The following CACNB2 variants were observed in gnomAD, a reference collection of about 807,000 sequenced individuals.
The protein encoded by CACNB2 is voltage-dependent L-type calcium channel subunit beta-2.
A neutral mutation model predicts 73.3 loss-of-function variants in CACNB2; 42 were observed. That is an observed-to-expected ratio of 0.57 (90% confidence interval 0.45 to 0.74). The LOEUF (loss-of-function observed/expected upper bound fraction) is 0.74. Among genes scored for constraint, CACNB2 ranks in the 30% least tolerant of loss-of-function variants. The pLI is 0.00. For synonymous variants in CACNB2, 348 were observed against 310.3 expected (o/e 1.12, Z -1.28); for missense variants, 940 against 853.0 (o/e 1.10, Z -1.27).
At chr10:18,166,857 C>A (rs2032892851) in intron 2 of CACNB2, among the ~76,000 whole-genome samples, 1 of 152,126 alleles carries the variant, frequency 6.6e-6, no homozygotes, top group Admixed American at 6.6e-5. Context: ...AACAATCCTG[C>A]ACGTTGTGCA....
intron 8 of CACNB2, 150 bp from the exon 9 acceptor site, chr10:18,518,760 A>G: frequency 1.4e-6 from 1 of 711,488 alleles, no homozygotes; most frequent in Non-Finnish European, 2.5e-6. Context: ...ATCAGAACTC[A>G]GAAGCAGAAA....
chr10:18,234,452 C>G lies in CACNB2; in HGVS notation c.213+83477C>G, dbSNP rs557786566. Among the ~76,000 whole-genome samples, 4 of 152,264 alleles carry G rather than the reference C, an allele frequency of 2.6e-5. No individual in the cohort carries two copies. In the South Asian group the frequency reaches 8.3e-4, roughly 32 times the overall value. On this transcript the variant is annotated intron_variant, in intron 2 of 13. Coordinates refer to ENST00000324631, the MANE Select transcript of CACNB2 (RefSeq NM_201596.3). Reference sequence around the variant, plus strand: ...AGAGATTTGTACAGCCATAACCTAGCAGCATTATTCACAATAGCCAAAAAG... The same window carrying G: ...AGAGATTTGTACAGCCATAACCTAGGAGCATTATTCACAATAGCCAAAAAG...
At chr10:18,458,273 A>C (rs1223873539) in intron 3 of CACNB2, among the ~76,000 whole-genome samples, 1 of 152,264 alleles carries the variant, frequency 6.6e-6, no homozygotes, top group Admixed American at 6.5e-5. Flanking sequence ...ATTCAAGTTC[A>C]AAAACAAATT....
intron 2 of CACNB2, among the ~76,000 whole-genome samples, chr10:18,335,922 C>T (rs903831704): frequency 2.3e-5 from 3 of 129,180 alleles, no homozygotes; most frequent in Non-Finnish European, 4.9e-5. Context: ...CCTCATCCTT[C>T]TCTTCAAACC....
At chr10:18,488,453 C>A (rs111956906) in intron 3 of CACNB2, among the ~76,000 whole-genome samples, 4 of 108,970 alleles carry the variant, frequency 3.7e-5, no homozygotes, top group Non-Finnish European at 6.7e-5. Flanking sequence ...CCGGCCTGGG[C>A]GACAGAGCGA....
At chr10:18,276,028 T>A (rs1054832164) in intron 2 of CACNB2, among the ~76,000 whole-genome samples, 6 of 152,312 alleles carry the variant, frequency 3.9e-5, no homozygotes, top group Admixed American at 3.9e-4. Flanking sequence ...TTCATACATT[T>A]CAACATGTCA....
intron 2 of CACNB2, among the ~76,000 whole-genome samples, chr10:18,391,669 G>A (rs966417611): frequency 6.6e-6 from 1 of 152,142 alleles, no homozygotes; most frequent in African/African-American, 2.4e-5. Flanking sequence ...GCTCACACCT[G>A]TAATCCCAGC....
Position 18,540,963 on chromosome 10 carries a change from T to TAG in CACNB2, c.*1244_*1245dup, listed in dbSNP as rs2054039082. The stretch of plus-strand genomic sequence containing the variant: ...TCTGCTGCCTCCTTGTTTTTGCTCC[T>TAG]AGAGAGTGAAAATACAGGCAATTTT... On this transcript the variant is annotated 3_prime_UTR_variant, in exon 14 of 14. Coordinates refer to ENST00000324631, the MANE Select transcript of CACNB2 (RefSeq NM_201596.3). 6.6e-6 allele frequency: 1 copy of TAG among 152,652 alleles called. No homozygotes were observed. The highest frequency in any genetic ancestry group is 1.5e-5 in the Non-Finnish European group (1 of 68,050). The allele number at this position is 152,652 out of a possible 1,614,324, so 9.5% of individuals were successfully genotyped here.
rs2053587888 is a variant in CACNB2 at position 18,536,275 on chromosome 10, G to GTTTTTTTTTTTTTTTTTTTTTT, written c.1302+79_1302+80insTTTTTTTTTTTTTTTTTTTTTT. ...TTTTTTTTTTTTTTTTTTTTTTTTG[G>GTTTTTTTTTTTTTTTTTTTTTT]GGGACAAGGTCTTGCTCTGTTGCCC... On this transcript the variant is annotated intron_variant, in intron 12 of 13. Coordinates refer to ENST00000324631, the MANE Select transcript of CACNB2 (RefSeq NM_201596.3). 89 of 92,506 alleles carry GTTTTTTTTTTTTTTTTTTTTTT rather than the reference G, an allele frequency of 9.6e-4. 25 individuals carry two copies. The highest frequency in any genetic ancestry group is 2.7e-3 in the African/African-American group (27 of 10,156). 5.7% of individuals were successfully genotyped at this position (92,506 alleles called of 1,614,324 possible). A position where few individuals can be genotyped will look rare whatever the true frequency, so the allele number is the denominator to read the frequency against.
At chr10:18,215,512 C>T (rs1231397626) in intron 2 of CACNB2, among the ~76,000 whole-genome samples, 1 of 152,120 alleles carries the variant, frequency 6.6e-6, no homozygotes, top group Non-Finnish European at 1.5e-5. Flanking sequence ...GAAGCCCAGC[C>T]TTTGTTTCTA....
intron 2 of CACNB2, among the ~76,000 whole-genome samples, chr10:18,332,019 A>G (rs1261739210): frequency 6.6e-6 from 1 of 152,138 alleles, no homozygotes; most frequent in East Asian, 1.9e-4. Context: ...CAGGACACCA[A>G]TGTGGCTGCA....
chr10:18,354,789 G>T (rs1442651590), intron 2 of CACNB2, among the ~76,000 whole-genome samples: 1 of 152,104 alleles, frequency 6.6e-6, no homozygotes, highest in Non-Finnish European at 1.5e-5. Context: ...ATCTACACAG[G>T]GGTCAGCAGG....
At chr10:18,491,005 C>T (rs750786490) in intron 3 of CACNB2, among the ~76,000 whole-genome samples, 1 of 152,162 alleles carries the variant, frequency 6.6e-6, no homozygotes, top group Non-Finnish European at 1.5e-5. Flanking sequence ...CCAGCATGTC[C>T]CAGAGCACTG....
At chr10:18,431,461 G>C (rs762394821) in intron 3 of CACNB2, among the ~76,000 whole-genome samples, 2 of 152,064 alleles carry the variant, frequency 1.3e-5, no homozygotes, top group Non-Finnish European at 2.9e-5. Context: ...GTTACTGCTT[G>C]TGAGAGAAAA....
intron 2 of CACNB2, among the ~76,000 whole-genome samples, chr10:18,362,844 G>A (rs1021987166): frequency 1.3e-5 from 2 of 152,142 alleles, no homozygotes; most frequent in African/African-American, 2.4e-5. Context: ...GCAGGTGGAG[G>A]TTGCAGTGAG....
At chr10:18,295,429 T>A (rs984160148) in intron 2 of CACNB2, among the ~76,000 whole-genome samples, 1 of 152,180 alleles carries the variant, frequency 6.6e-6, no homozygotes, top group Non-Finnish European at 1.5e-5. Flanking sequence ...AATAATGGAC[T>A]CCACTTAGGA....
chr10:18,380,530 C>A (rs1238811770), intron 2 of CACNB2, among the ~76,000 whole-genome samples: 1 of 145,472 alleles, frequency 6.9e-6, no homozygotes, highest in Non-Finnish European at 1.5e-5. Flanking sequence ...TCTCGGTTCA[C>A]TGTAACCTCC....
chr10:18,261,135 A>T, intron 2 of CACNB2: 1 of 1,531,630 alleles, frequency 6.5e-7, no homozygotes, highest in South Asian at 1.2e-5. Flanking sequence ...CCTAGGAGGC[A>T]GAAGCTAAGT....
At chr10:18,451,436 T>C (rs761492462) in intron 3 of CACNB2, among the ~76,000 whole-genome samples, 7 of 152,160 alleles carry the variant, frequency 4.6e-5, no homozygotes, top group Non-Finnish European at 8.8e-5. Flanking sequence ...GATAGAGAGT[T>C]TCTGTCATGA....
Sources: allele counts gnomAD v4.1 joint callset (sites outside exome capture counted in the v4.1 genomes callset), GRCh38; gene constraint gnomAD v4.1.1; transcripts MANE v1.5; gene names NCBI Gene and HGNC (gene_info 2026-07-23, HGNC 2026-07-21).